Variants in EGFLAM observed in about 807,000 individuals in gnomAD.
The protein encoded by EGFLAM is EGF like, fibronectin type III and laminin G domains.
A neutral mutation model predicts 113.1 loss-of-function variants in EGFLAM; 79 were observed. The ratio of observed to expected loss-of-function variants is 0.70; its 90% CI spans 0.58 to 0.84. The LOEUF is 0.84. Ranked by LOEUF, EGFLAM falls within the 40% of genes least tolerant of loss-of-function variation. The pLI is 0.00. For missense variants in EGFLAM, 1,265 were observed against 1,291.6 expected (o/e 0.98, Z 0.32); for synonymous variants, 504 against 487.6 (o/e 1.03, Z -0.44).
chr5:38,448,268 A>G, intron 17 of EGFLAM, 33 bp from the exon 18 acceptor site: 1 of 1,612,912 alleles, frequency 6.2e-7, no homozygotes, highest in South Asian at 1.1e-5. Flanking sequence ...AGAACCACAT[A>G]CTATGTAACC....
chr5:38,445,988 G>A (rs1742697586), intron 17 of EGFLAM, among the ~76,000 whole-genome samples: 1 of 151,998 alleles, frequency 6.6e-6, no homozygotes, highest in Admixed American at 6.5e-5. Flanking sequence ...GATGGCTGTT[G>A]GCCACAGGCC....
chr5:38,270,514 A>T (rs1057505057), intron 1 of EGFLAM, among the ~76,000 whole-genome samples: 4 of 152,076 alleles, frequency 2.6e-5, no homozygotes, highest in Non-Finnish European at 5.9e-5. Context: ...ACAAGCATTC[A>T]TTTGATAGTT....
At chr5:38,442,824 A>T (rs1742589000) in intron 17 of EGFLAM, among the ~76,000 whole-genome samples, 1 of 152,194 alleles carries the variant, frequency 6.6e-6, no homozygotes. Context: ...CCATCTTAAA[A>T]CTAGCAAGGT....
chr5:38,305,028 AT>A (rs1319187238), intron 1 of EGFLAM, among the ~76,000 whole-genome samples: 1 of 152,198 alleles, frequency 6.6e-6, no homozygotes. Flanking sequence ...GAACAAAAAA[AT>A]AAAGAGATGG....
At chr5:38,259,698 TCTTAA>T (rs1757450964) in intron 1 of EGFLAM, among the ~76,000 whole-genome samples, 1 of 152,232 alleles carries the variant, frequency 6.6e-6, no homozygotes, top group Non-Finnish European at 1.5e-5. Context: ...ATCTGTTTTG[TCTTAA>T]CTTACTTTGT....
chr5:38,331,410 T>C (rs1739038595), intron 1 of EGFLAM, among the ~76,000 whole-genome samples: 1 of 152,182 alleles, frequency 6.6e-6, no homozygotes, highest in South Asian at 2.1e-4. Flanking sequence ...CATCCCTTGC[T>C]CTCTCCTAAT....
At chr5:38,322,977 T>A (rs546634769) in intron 1 of EGFLAM, among the ~76,000 whole-genome samples, 13 of 152,042 alleles carry the variant, frequency 8.6e-5, no homozygotes, top group Non-Finnish European at 1.8e-4. Flanking sequence ...CAGTGGCCAC[T>A]TTTTTTTGGG....
intron 1 of EGFLAM, among the ~76,000 whole-genome samples, chr5:38,278,349 G>A (rs141378876): frequency 1.3e-5 from 2 of 152,120 alleles, no homozygotes; most frequent in Non-Finnish European, 2.9e-5. Flanking sequence ...ACATGCAGAA[G>A]AATGAAATTA....
chr5:38,357,967 AT>A (rs70978882), intron 5 of EGFLAM, among the ~76,000 whole-genome samples: 59,559 of 119,396 alleles, frequency 0.5, 15,005 homozygotes, highest in Non-Finnish European at 0.56. Context: ...GGTTAAGTGA[AT>A]TTTTTTTTTT....
Position 38,319,795 on chromosome 5 carries a change from A to G in EGFLAM, c.98-17725A>G, listed in dbSNP as rs564066047. Among the ~76,000 whole-genome samples, 328 of 152,316 alleles carry G rather than the reference A, an allele frequency of 2.2e-3. 2 individuals carry two copies. The highest frequency in any genetic ancestry group is 6.0e-3 in the South Asian group (29 of 4,822). ...GCAGGTGCCTGGGAACACTATACAA[A>G]TGGGTGAGATCACCTGGCAGAAAGG... On this transcript the variant is annotated intron_variant, in intron 1 of 21. Transcript: ENST00000322350.
In EGFLAM at chr5:38,412,541, G is replaced by A. The variant is rs1401024420; in HGVS notation, c.1387G>A (p.Glu463Lys). The change falls in exon 11 of 22, where the codon GAG (glutamate) becomes AAG (lysine). Residue 463 changes from glutamate to lysine, a missense_variant. Coordinates refer to ENST00000322350, the MANE Select transcript of EGFLAM (RefSeq NM_152403.4). Reference protein sequence around the residue: ...CGTGVAIIVSETKIKLGGWHT... With the variant: ...CGTGVAIIVSKTKIKLGGWHT... The stretch of plus-strand genomic sequence containing the variant: ...AACTGGGGTTGCCATCATCGTAAGT[G>A]AGACCAAAATCAAACTAGGGGGTTG... 2.5e-6 allele frequency: 4 copies of A among 1,614,148 alleles called. No individual in the cohort carries two copies. Among genetic ancestry groups the A allele is most frequent in the Non-Finnish European group, 3.4e-6 (4 of 1,180,030 alleles).
chr5:38,416,378 G>T (rs895141778), intron 11 of EGFLAM, among the ~76,000 whole-genome samples: 1 of 152,186 alleles, frequency 6.6e-6, no homozygotes, highest in Non-Finnish European at 1.5e-5. Context: ...TCAGGGTATG[G>T]CTTCTGCCTG....
intron 16 of EGFLAM, among the ~76,000 whole-genome samples, chr5:38,437,126 C>A (rs1742376344): frequency 6.6e-6 from 1 of 152,300 alleles, no homozygotes; most frequent in Non-Finnish European, 1.5e-5. Context: ...ACCCAGTAGC[C>A]CCTCCTCATA....
At chr5:38,284,277 G>A (rs1281863507) in intron 1 of EGFLAM, among the ~76,000 whole-genome samples, 1 of 152,132 alleles carries the variant, frequency 6.6e-6, no homozygotes, top group East Asian at 1.9e-4. Context: ...ATAGAGCTCT[G>A]CCTTGTATAG....
Position 38,424,863 on chromosome 5 carries a change from G to A in EGFLAM, c.1685-104G>A, listed in dbSNP as rs544058146. 1.5e-5 allele frequency: 22 copies of A among 1,465,990 alleles called. No individual in the cohort carries two copies. In the South Asian group the frequency reaches 3.1e-4, roughly 20 times the overall value. The allele number at this position is 1,465,990 out of a possible 1,614,324, so 90.8% of individuals were successfully genotyped here. A position where few individuals can be genotyped will look rare whatever the true frequency, so the allele number is the denominator to read the frequency against. On this transcript the variant is annotated intron_variant, in intron 12 of 21. Transcript: ENST00000322350. ...CTGCAAATCAACAGGAGTAAGAACT[G>A]AAATGTATTTATTCAGAACCATGAG...
At chr5:38,430,809 C>T (rs1283008883) in intron 14 of EGFLAM, among the ~76,000 whole-genome samples, 2 of 152,144 alleles carry the variant, frequency 1.3e-5, no homozygotes, top group Non-Finnish European at 2.9e-5. Flanking sequence ...CCATGATGTC[C>T]GTTCCAGTCC....
intron 15 of EGFLAM, among the ~76,000 whole-genome samples, chr5:38,432,825 C>T (rs1742228508): frequency 6.6e-6 from 1 of 152,210 alleles, no homozygotes. Context: ...AGAGACAACA[C>T]ATAGGTGAAA....
At position 38,412,619 on chromosome 5, in the gene EGFLAM, A is replaced by C. The variant is rs988953796; in HGVS notation, c.1465A>C (p.Asn489His). The change falls in exon 11 of 22, where the codon AAT (asparagine) becomes CAT (histidine). Residue 489 changes from asparagine (N) to histidine (H), a missense_variant. Asn to His is a moderately conservative substitution (Grantham distance 68). Transcript: ENST00000322350. ...DGLNGLLQLN[N>H]GTPVTGQSQG... ...GCTGAACGGGCTGCTGCAGCTGAACAATGGCACCCCAGTGACAGGCCAGTC... is the reference window on the plus strand; with the variant it reads ...GCTGAACGGGCTGCTGCAGCTGAACCATGGCACCCCAGTGACAGGCCAGTC... The C allele has an allele frequency of 6.2e-7, 1 of 1,614,140 alleles. No homozygotes were observed. The highest frequency in any genetic ancestry group is 1.1e-5 in the South Asian group (1 of 91,074).
chr5:38,319,347 C>T (rs1428254), intron 1 of EGFLAM, among the ~76,000 whole-genome samples: 51,170 of 152,028 alleles, frequency 0.34, 9,959 homozygotes, highest in African/African-American at 0.54. Context: ...TTGAGAGATG[C>T]CAGCACAGGT....
Sources: gnomAD v4.1 joint callset for allele counts (sites outside exome capture counted in the v4.1 genomes callset) on GRCh38, gnomAD v4.1.1 for gene constraint, MANE v1.5 for transcripts, NCBI Gene and HGNC (gene_info 2026-07-23, HGNC 2026-07-21) for gene names.